The following SSH2 variants were observed in gnomAD, a reference collection of about 807,000 sequenced individuals.
The protein encoded by SSH2 is slingshot protein phosphatase 2.
Under a neutral mutation model 135.2 loss-of-function variants are expected in SSH2, and 37 were observed. The ratio of observed to expected loss-of-function variants is 0.27; its 90% CI spans 0.21 to 0.36. The LOEUF (loss-of-function observed/expected upper bound fraction) is 0.36. Among genes scored for constraint, SSH2 ranks in the 10% least tolerant of loss-of-function variants. SSH2 has a pLI of 1.00. For missense variants in SSH2, 1,408 were observed against 1,765.3 expected, an observed-to-expected ratio of 0.80 and a Z score of 3.63; for synonymous variants, 628 against 646.2, an observed-to-expected ratio of 0.97 and a Z score of 0.43.
chr17:29,798,109 A>G (rs191983787), intron 2 of SSH2, among the ~76,000 whole-genome samples: 4 of 152,240 alleles, frequency 2.6e-5, no homozygotes, highest in East Asian at 1.9e-4. Flanking sequence ...CTTTTCCCCT[A>G]TGGTTATTGT....
intron 2 of SSH2, among the ~76,000 whole-genome samples, chr17:29,794,959 G>C (rs1435465813): frequency 2.0e-5 from 3 of 152,200 alleles, no homozygotes; most frequent in African/African-American, 7.2e-5. Flanking sequence ...TTTGCTCCCT[G>C]ACAATTTGTA....
intron 3 of SSH2, among the ~76,000 whole-genome samples, chr17:29,764,375 G>A (rs540018490): frequency 1.3e-5 from 2 of 152,226 alleles, no homozygotes; most frequent in Non-Finnish European, 2.9e-5. Flanking sequence ...TTTGCACAGT[G>A]TGCAGAGTGT....
At chr17:29,890,147 C>A (rs2066321357) in intron 1 of SSH2, among the ~76,000 whole-genome samples, 1 of 152,110 alleles carries the variant, frequency 6.6e-6, no homozygotes, top group African/African-American at 2.4e-5. Context: ...TGGCTAGAAT[C>A]TGAAGTTAGG....
rs936549292 is a variant in SSH2 at position 29,631,963 on chromosome 17, G to A, written c.3231C>T (p.Val1077=). Residue 1077 remains valine (V), a synonymous_variant, in exon 16 of 16, where the codon GTC becomes GTT. Coordinates refer to ENST00000540801, the MANE Select transcript of SSH2 (RefSeq NM_001282129.2). ...GLRKVNMEKS[V]TVLCTLDENL... ...TTTCATCCAGTGTGCAGAGCACAGTGACAGATTTTTCCATGTTCACTTTCC... is the reference window on the plus strand; with the variant it reads ...TTTCATCCAGTGTGCAGAGCACAGTAACAGATTTTTCCATGTTCACTTTCC... 1.2e-6 allele frequency: 2 copies of A among 1,614,084 alleles called. No individual in the cohort carries two copies. Among genetic ancestry groups the A allele is most frequent in the Non-Finnish European group, 1.7e-6 (2 of 1,180,048 alleles).
intron 3 of SSH2, among the ~76,000 whole-genome samples, chr17:29,752,170 C>A (rs1324860783): frequency 1.3e-5 from 2 of 152,118 alleles, no homozygotes; most frequent in Non-Finnish European, 2.9e-5. Context: ...AATCCTAATA[C>A]AATTTTTAAA....
At chr17:29,921,963 G>C (rs2066984359) in intron 1 of SSH2, among the ~76,000 whole-genome samples, 1 of 152,172 alleles carries the variant, frequency 6.6e-6, no homozygotes, top group Non-Finnish European at 1.5e-5. Context: ...AGAAAGATAA[G>C]AGCCACCATG....
chr17:29,913,411 G>C (rs549768139), intron 1 of SSH2, among the ~76,000 whole-genome samples: 2 of 107,474 alleles, frequency 1.9e-5, no homozygotes, highest in South Asian at 3.5e-4. Context: ...TGTAGTAAAG[G>C]GCTTTTACAC....
intron 4 of SSH2, among the ~76,000 whole-genome samples, chr17:29,701,144 T>A (rs1023902224): frequency 2.0e-5 from 3 of 152,064 alleles, no homozygotes; most frequent in East Asian, 1.9e-4. Flanking sequence ...CTAATTTTTT[T>A]AAATTTTTAG....
At chr17:29,890,288 C>T (rs1283899838) in intron 1 of SSH2, among the ~76,000 whole-genome samples, 1 of 152,156 alleles carries the variant, frequency 6.6e-6, no homozygotes, top group Non-Finnish European at 1.5e-5. Flanking sequence ...ATCATATGCT[C>T]TAGCAATCCC....
In SSH2 at chr17:29,628,015, A is replaced by G. The variant is rs531278956; in HGVS notation, c.*2826T>C. On this transcript the variant is annotated 3_prime_UTR_variant, in exon 16 of 16. Coordinates refer to ENST00000540801, the MANE Select transcript of SSH2 (RefSeq NM_001282129.2). ...CCTATTCATCTTTGCCAGTCTATCA[A>G]ATCTGCTGCTTCAGGTCAGGTCATG... The G allele has an allele frequency of 4.1e-4, 63 of 152,306 alleles. No homozygotes were observed. The highest frequency in any genetic ancestry group is 1.5e-3 in the African/African-American group (61 of 41,550). The allele number at this position is 152,306 out of a possible 1,614,324, so 9.4% of individuals were successfully genotyped here. A position where few individuals can be genotyped will look rare whatever the true frequency, so the allele number is the denominator to read the frequency against.
chr17:29,766,002 A>G (rs1164245059), intron 3 of SSH2, among the ~76,000 whole-genome samples: 2 of 139,700 alleles, frequency 1.4e-5, no homozygotes, highest in Non-Finnish European at 3.0e-5. Flanking sequence ...CCTGGATGAC[A>G]GAGTGAGACT....
chr17:29,884,323 T>A (rs2066194060), intron 1 of SSH2, among the ~76,000 whole-genome samples: 1 of 152,226 alleles, frequency 6.6e-6, no homozygotes, highest in Non-Finnish European at 1.5e-5. Context: ...TGGCACACTA[T>A]TTTCTACTGG....
intron 3 of SSH2, among the ~76,000 whole-genome samples, chr17:29,779,851 T>TTCAA (rs2041801813): frequency 7.8e-6 from 1 of 127,900 alleles, no homozygotes; most frequent in African/African-American, 2.9e-5. Flanking sequence ...GATGAACAGC[T>TTCAA]TCAATGTGAT....
intron 11 of SSH2, among the ~76,000 whole-genome samples, chr17:29,666,564 T>C (rs2037286108): frequency 1.3e-5 from 2 of 151,962 alleles, no homozygotes; most frequent in Non-Finnish European, 2.9e-5. Context: ...GCACCTGTAG[T>C]CCCAGCTACT....
intron 2 of SSH2, among the ~76,000 whole-genome samples, chr17:29,799,528 G>C (rs1183963564): frequency 6.6e-6 from 1 of 152,158 alleles, no homozygotes; most frequent in East Asian, 1.9e-4. Flanking sequence ...AACTAATGAG[G>C]TTGGGCATCC....
chr17:29,920,001 C>G (rs2066947715), intron 1 of SSH2, among the ~76,000 whole-genome samples: 1 of 152,118 alleles, frequency 6.6e-6, no homozygotes, highest in African/African-American at 2.4e-5. Context: ...CCTCCGCCTC[C>G]CAGGTTCAAA....
chr17:29,805,562 G>A (rs1031320325), intron 2 of SSH2, among the ~76,000 whole-genome samples: 1 of 152,174 alleles, frequency 6.6e-6, no homozygotes, highest in Admixed American at 6.5e-5. Flanking sequence ...AACCTTGTGA[G>A]ACACGTCGGT....
At chr17:29,910,145 T>C (rs990118619) in intron 1 of SSH2, among the ~76,000 whole-genome samples, 1 of 152,148 alleles carries the variant, frequency 6.6e-6, no homozygotes, top group Non-Finnish European at 1.5e-5. Context: ...GAAGTCTTGC[T>C]ATGTTGCCCA....
chr17:29,723,830 G>A (rs938995190), intron 3 of SSH2, among the ~76,000 whole-genome samples: 3 of 152,198 alleles, frequency 2.0e-5, no homozygotes, highest in African/African-American at 7.2e-5. Context: ...CATGCTAGGG[G>A]GAACTTCTTC....
Sources: allele counts gnomAD v4.1 joint callset (sites outside exome capture counted in the v4.1 genomes callset), GRCh38; gene constraint gnomAD v4.1.1; transcripts MANE v1.5; gene names NCBI Gene and HGNC (gene_info 2026-07-23, HGNC 2026-07-21).